FNBP1: variants seen among roughly 807,000 people sequenced by gnomAD.
FNBP1 encodes formin binding protein 1.
Under a neutral mutation model 90.6 loss-of-function variants are expected in FNBP1, and 26 were observed. That is an observed-to-expected ratio of 0.29 (90% CI 0.21 to 0.40). The LOEUF is 0.40. Ranked by LOEUF, FNBP1 falls within the 10% of genes least tolerant of loss-of-function variation. The pLI, the probability that FNBP1 is intolerant of heterozygous loss-of-function variation, is 1.00. For synonymous variants in FNBP1, 260 were observed against 265.2 expected (o/e 0.98, Z 0.19); for missense variants, 635 against 768.0 (o/e 0.83, Z 2.05).
rs767728380 is a variant in FNBP1 at position 129,900,120 on chromosome 9, C to G, written c.1551-19G>C. ...ATCTGGGCTGCTCAAGAAAGGAAAA[C>G]ACAAAGCAACTAAAGCGACTGACCC... On this transcript the variant is annotated intron_variant, in intron 14 of 16. Transcript: ENST00000446176. The surrounding 1 kb of genome is among the most constrained non-coding windows in gnomAD (Gnocchi z 4.1). 1.3e-6 allele frequency: 2 copies of G among 1,587,676 alleles called. No homozygotes were observed. Among genetic ancestry groups the G allele is most frequent in the Non-Finnish European group, 1.7e-6 (2 of 1,167,368 alleles).
At chr9:130,006,171 G>C (rs1589219512) in intron 1 of FNBP1, among the ~76,000 whole-genome samples, 1 of 152,188 alleles carries the variant, frequency 6.6e-6, no homozygotes, top group African/African-American at 2.4e-5. Context: ...GGCTGGGTAT[G>C]GTGGCTCACA....
At chr9:129,954,438 C>T (rs933306378) in intron 6 of FNBP1, among the ~76,000 whole-genome samples, 3 of 151,994 alleles carry the variant, frequency 2.0e-5, no homozygotes, top group Non-Finnish European at 2.9e-5. Flanking sequence ...TCAATGAATA[C>T]AGACCATTTC....
chr9:130,023,416 T>C (rs1258368846), intron 1 of FNBP1, among the ~76,000 whole-genome samples: 2 of 152,148 alleles, frequency 1.3e-5, no homozygotes, highest in African/African-American at 4.8e-5. Context: ...AGGTCGGGAT[T>C]GCACACAATA....
intron 13 of FNBP1, among the ~76,000 whole-genome samples, chr9:129,901,938 T>G (rs1445652059): frequency 2.6e-5 from 4 of 152,092 alleles, no homozygotes; most frequent in African/African-American, 7.2e-5. Context: ...AAAGCCATAG[T>G]TGACCCTTCA....
At chr9:129,988,735 T>C (rs1008528826) in intron 2 of FNBP1, among the ~76,000 whole-genome samples, 3 of 152,180 alleles carry the variant, frequency 2.0e-5, no homozygotes, top group African/African-American at 7.2e-5. Context: ...AACTACTCAA[T>C]TGCCAATTGT....
intron 1 of FNBP1, among the ~76,000 whole-genome samples, chr9:130,029,205 G>A (rs954041080): frequency 6.6e-6 from 1 of 151,772 alleles, no homozygotes; most frequent in East Asian, 1.9e-4. Flanking sequence ...GCCCAGCCTG[G>A]AGTGCAGTGG....
At chr9:129,950,088 A>G (rs972377788) in intron 6 of FNBP1, among the ~76,000 whole-genome samples, 5 of 152,204 alleles carry the variant, frequency 3.3e-5, no homozygotes, top group African/African-American at 9.6e-5. Flanking sequence ...AGAAATCATA[A>G]TGGGAGATGA....
chr9:129,981,365 C>T (rs984520206), intron 2 of FNBP1, among the ~76,000 whole-genome samples: 4 of 152,060 alleles, frequency 2.6e-5, no homozygotes, highest in Non-Finnish European at 4.4e-5. Flanking sequence ...CCACTGCACC[C>T]GGCCAAGAAA....
At position 129,890,257 on chromosome 9, in the gene FNBP1, C is replaced by T. The variant is rs2131139725; in HGVS notation, c.*282G>A. 1.9e-6 allele frequency: 1 copy of T among 515,734 alleles called. No homozygotes were observed. Among genetic ancestry groups the T allele is most frequent in the East Asian group, 3.2e-5 (1 of 30,904 alleles). The allele number at this position is 515,734 out of a possible 1,614,324, so 31.9% of individuals were successfully genotyped here. A position where few individuals can be genotyped will look rare whatever the true frequency, so the allele number is the denominator to read the frequency against. On this transcript the variant is annotated 3_prime_UTR_variant, in exon 17 of 17. Coordinates refer to ENST00000446176, the MANE Select transcript of FNBP1 (RefSeq NM_015033.3). The surrounding 1 kb of genome is among the most constrained non-coding windows in gnomAD (Gnocchi z 5.8). ...GAAGGAGCAGGTAGGGGCGTGTGTC[C>T]CACCGTCTCAGTGGCCTGCGCGGGG... is the stretch of plus-strand genomic sequence containing the variant.
rs1331899693 is a variant in FNBP1, at chr9:130,031,208, C to T, written c.24+11744G>A. The stretch of plus-strand genomic sequence containing the variant: ...TAGATAGAAAGGCTCTCTACTGAAA[C>T]CCACTCCAGTAATCCAGTCAGCCAA... On this transcript the variant is annotated intron_variant, in intron 1 of 16. Transcript: ENST00000446176. The surrounding 1 kb of genome is among the most constrained non-coding windows in gnomAD (Gnocchi z 4.2). 6.6e-6 allele frequency among the ~76,000 whole-genome samples: 1 copy of T among 152,210 alleles called. No individual in the cohort carries two copies. Among genetic ancestry groups the T allele is most frequent in the Non-Finnish European group, 1.5e-5 (1 of 68,026 alleles).
In FNBP1 at chr9:130,031,476, CCTT is replaced by C. The variant is rs763146869; in HGVS notation, c.24+11473_24+11475del. On this transcript the variant is annotated intron_variant, in intron 1 of 16. Transcript: ENST00000446176. The surrounding 1 kb of genome is among the most constrained non-coding windows in gnomAD (Gnocchi z 4.2). ...TGACCCTTTGGACATACCATTTCCT[CCTT>C]CTTTTCCCGGAAGGCTCTGTCCAGA... 1.4e-4 allele frequency among the ~76,000 whole-genome samples: 22 copies of C among 152,166 alleles called. No individual in the cohort carries two copies. Among genetic ancestry groups the C allele is most frequent in the Non-Finnish European group, 2.4e-4 (16 of 68,032 alleles).
intron 1 of FNBP1, among the ~76,000 whole-genome samples, chr9:130,001,931 G>C (rs1358907091): frequency 2.0e-5 from 3 of 151,994 alleles, no homozygotes; most frequent in African/African-American, 7.2e-5. Context: ...AGGAGGCTGA[G>C]GCAGGAGAAT....
At chr9:129,943,520 G>A (rs7022945) in intron 6 of FNBP1, among the ~76,000 whole-genome samples, 4,399 of 151,380 alleles carry the variant, frequency 0.029, 212 homozygotes, top group African/African-American at 0.099. Flanking sequence ...CCAAGTAGCT[G>A]AGATTACAGG....
chr9:129,930,407 G>A (rs549070973), intron 6 of FNBP1, among the ~76,000 whole-genome samples: 2 of 152,190 alleles, frequency 1.3e-5, no homozygotes, highest in African/African-American at 2.4e-5. Flanking sequence ...TGGGGTTCAT[G>A]CACTAAAAAG....
intron 11 of FNBP1, among the ~76,000 whole-genome samples, chr9:129,909,281 T>C (rs1345698626): frequency 1.3e-5 from 2 of 152,218 alleles, no homozygotes; most frequent in Non-Finnish European, 2.9e-5. Context: ...TACTTCTGAC[T>C]CTAGGGAGAA....
In FNBP1 at chr9:130,042,448, C is replaced by A. The variant is rs1441828587; in HGVS notation, c.24+504G>T. 6.6e-6 allele frequency among the ~76,000 whole-genome samples: 1 copy of A among 152,002 alleles called. No individual in the cohort carries two copies. Among genetic ancestry groups the A allele is most frequent in the Non-Finnish European group, 1.5e-5 (1 of 67,960 alleles). On this transcript the variant is annotated intron_variant, in intron 1 of 16. Coordinates refer to ENST00000446176, the MANE Select transcript of FNBP1 (RefSeq NM_015033.3). This position sits in a 1 kb window ranked among gnomAD's most constrained non-coding sequence, Gnocchi z 5.5. The stretch of plus-strand genomic sequence containing the variant: ...GCACTCTCGCCCCAGCACCCCAAAA[C>A]CCGACCCCCGGCGCTCGCCCCGGCC...
In FNBP1 at chr9:129,899,370, G is replaced by A. The variant is rs547639544; in HGVS notation, c.1687+595C>T. Among the ~76,000 whole-genome samples, 14 of 152,046 alleles carry A rather than the reference G, an allele frequency of 9.2e-5. No homozygotes were observed. The East Asian group carries it at 2.8e-3, about 30-fold the overall frequency. On this transcript the variant is annotated intron_variant, in intron 15 of 16. Coordinates refer to ENST00000446176, the MANE Select transcript of FNBP1 (RefSeq NM_015033.3). ...TAGGATTACAGGTGTGAGCCACCAT[G>A]CCCGGCCAGATCTGGAAGGCTTCTA...
chr9:130,000,456 G>A (rs113038549), intron 1 of FNBP1, among the ~76,000 whole-genome samples: 2,147 of 152,122 alleles, frequency 0.014, 55 homozygotes, highest in African/African-American at 0.045. Context: ...CTGAGATTAC[G>A]CCACAGCACT....
At chr9:129,922,242 T>C (rs189591799) in intron 10 of FNBP1, among the ~76,000 whole-genome samples, 254 of 152,372 alleles carry the variant, frequency 1.7e-3, no homozygotes, top group Non-Finnish European at 2.6e-3. Flanking sequence ...CATTGCTTTA[T>C]GCCAATCTTT....
Sources: gnomAD v4.1 joint callset for allele counts (sites outside exome capture counted in the v4.1 genomes callset) on GRCh38, gnomAD v4.1.1 for gene constraint, Gnocchi (gnomAD v3.1) non-coding constraint, MANE v1.5 for transcripts, NCBI Gene and HGNC (gene_info 2026-07-23, HGNC 2026-07-21) for gene names.